ARAP2: variants seen among roughly 807,000 people sequenced by gnomAD.
ARAP2 encodes the protein arf-GAP with Rho-GAP domain, ANK repeat and PH domain-containing protein 2.
In ARAP2, 148 loss-of-function variants were observed where a neutral mutation model predicts 194.5. The ratio of observed to expected loss-of-function variants is 0.76; its 90% CI spans 0.67 to 0.87. The LOEUF is 0.87. Among genes scored for constraint, ARAP2 ranks in the 40% least tolerant of loss-of-function variants. The pLI is 0.00. For synonymous variants in ARAP2, 695 were observed against 683.5 expected (o/e 1.02, Z -0.26); for missense variants, 2,128 against 1,989.7 (o/e 1.07, Z -1.32).
intron 7 of ARAP2, among the ~76,000 whole-genome samples, chr4:36,190,553 T>C (rs1741640701): frequency 6.6e-6 from 1 of 152,236 alleles, no homozygotes; most frequent in Non-Finnish European, 1.5e-5. Context: ...ACTGAGCCTA[T>C]ACATTAGTCT....
In ARAP2 at chr4:36,039,745, C is replaced by A. The variant is rs750555526; in HGVS notation, n.607+6234G>T. ...GCTTTTCCAAATACTCTTGACTTAG[C>A]AAGTCACTGTGATAAAGGAGGATCA... On this transcript the variant is annotated intron_variant and non_coding_transcript_variant, in intron 5 of 12. Coordinates refer to the ARAP2 transcript ENST00000503225. Among the ~76,000 whole-genome samples, 42 of 152,024 alleles carry A rather than the reference C, an allele frequency of 2.8e-4. 1 individual carries two copies. The highest frequency in any genetic ancestry group is 5.3e-4 in the Non-Finnish European group (36 of 67,994).
At chr4:36,236,982 T>G (rs1282230780) in intron 1 of ARAP2, among the ~76,000 whole-genome samples, 1 of 152,206 alleles carries the variant, frequency 6.6e-6, no homozygotes, top group Non-Finnish European at 1.5e-5. Context: ...AATACACCAC[T>G]TCAGTTTGAT....
intron 19 of ARAP2, among the ~76,000 whole-genome samples, chr4:36,136,992 CAA>C (rs1726996552): frequency 1.3e-5 from 2 of 151,578 alleles, no homozygotes; most frequent in South Asian, 4.1e-4. Flanking sequence ...AATGATGTGT[CAA>C]AGGCAATTTA....
chr4:36,014,336 A>G lies in ARAP2; in HGVS notation n.1056+1050T>C, dbSNP rs376420893. Among the ~76,000 whole-genome samples the G allele has an allele frequency of 1.3e-3, 111 of 85,758 alleles. 2 individuals are homozygous for G. The highest frequency in any genetic ancestry group is 3.2e-3 in the African/African-American group (85 of 26,866). 56.3% of individuals were successfully genotyped at this position (85,758 alleles called of 152,430 possible). On this transcript the variant is annotated intron_variant and non_coding_transcript_variant, in intron 8 of 12. Coordinates refer to the ARAP2 transcript ENST00000503225. Reference sequence around the variant, plus strand: ...AAAGAAAGAAAGAGAGAAAGAAAGAAAGAAAGAAAGAAAGAAAGAAAGAAA... The same window carrying G: ...AAAGAAAGAAAGAGAGAAAGAAAGAGAGAAAGAAAGAAAGAAAGAAAGAAA...
At chr4:36,022,405 A>G (rs1436947920) in intron 5 of ARAP2, among the ~76,000 whole-genome samples, 1 of 152,204 alleles carries the variant, frequency 6.6e-6, no homozygotes, top group Non-Finnish European at 1.5e-5. Flanking sequence ...ACATAACGGC[A>G]GGACTTGGCA....
chr4:36,235,074 T>G (rs1033962466), intron 1 of ARAP2, among the ~76,000 whole-genome samples: 1 of 152,122 alleles, frequency 6.6e-6, no homozygotes, highest in Non-Finnish European at 1.5e-5. Flanking sequence ...GTGCTATACC[T>G]TTAAACTACA....
At chr4:36,158,616 C>G in intron 15 of ARAP2, 114 bp downstream of exon 15, 1 of 871,202 alleles carries the variant, frequency 1.1e-6, no homozygotes, top group Non-Finnish European at 1.7e-6. Context: ...TCAAAAATAT[C>G]TCTACTTGGA....
At chr4:36,145,853 C>T (rs574107765) in intron 19 of ARAP2, among the ~76,000 whole-genome samples, 6 of 151,968 alleles carry the variant, frequency 3.9e-5, no homozygotes, top group Admixed American at 1.3e-4. Context: ...GAGGTGAACC[C>T]GTCCAGTTCC....
downstream of ARAP2, among the ~76,000 whole-genome samples, chr4:36,064,573 G>A (rs888545894): frequency 6.6e-6 from 1 of 152,236 alleles, no homozygotes; most frequent in African/African-American, 2.4e-5. Context: ...CCCTGGTCCT[G>A]CAGCTCAGGT....
chr4:36,073,934 C>A, intron 31 of ARAP2, 111 bp from the exon 32 acceptor site: 1 of 1,320,504 alleles, frequency 7.6e-7, no homozygotes, highest in Non-Finnish European at 1.0e-6. Flanking sequence ...GATCTGATTT[C>A]CATGAGAATT....
rs1716435637 is a variant in ARAP2, at chr4:36,019,137, A to T, written n.750+7T>A. 2.0e-5 allele frequency: 3 copies of T among 149,666 alleles called. No individual in the cohort carries two copies. The South Asian group carries it at 6.2e-4, about 31-fold the overall frequency. The allele number at this position is 149,666 out of a possible 1,614,324, so 9.3% of individuals were successfully genotyped here. A position where few individuals can be genotyped will look rare whatever the true frequency, so the allele number is the denominator to read the frequency against. ...ATCTTTTAAAAATTGTCATAAAAGAAAGTTACCTTTATCATAATACTGTTC... is the reference window on the plus strand; with the variant it reads ...ATCTTTTAAAAATTGTCATAAAAGATAGTTACCTTTATCATAATACTGTTC... On this transcript the variant is annotated splice_region_variant and intron_variant and non_coding_transcript_variant, in intron 6 of 12. Coordinates refer to the ARAP2 transcript ENST00000503225.
chr4:36,087,360 T>C (rs1712159788), intron 28 of ARAP2, among the ~76,000 whole-genome samples: 1 of 152,072 alleles, frequency 6.6e-6, no homozygotes, highest in Non-Finnish European at 1.5e-5. Flanking sequence ...TTCTGACAGA[T>C]ATGCAAATTT....
chr4:36,148,920 C>T (rs919134938), intron 16 of ARAP2, among the ~76,000 whole-genome samples: 1 of 152,104 alleles, frequency 6.6e-6, no homozygotes, highest in Non-Finnish European at 1.5e-5. Flanking sequence ...AGTCACACAG[C>T]AGGTTCCCTC....
intron 27 of ARAP2, among the ~76,000 whole-genome samples, chr4:36,095,033 T>A (rs1714789461): frequency 1.3e-5 from 2 of 152,168 alleles, no homozygotes; most frequent in Non-Finnish European, 2.9e-5. Flanking sequence ...TAAAGACATG[T>A]CAGATTCATC....
chr4:36,207,081 G>C (rs758523582), intron 6 of ARAP2, among the ~76,000 whole-genome samples: 2 of 152,198 alleles, frequency 1.3e-5, no homozygotes, highest in Non-Finnish European at 2.9e-5. Context: ...TCCTCGAAGA[G>C]GCACAGCCAT....
intron 1 of ARAP2, among the ~76,000 whole-genome samples, chr4:36,058,455 T>C (rs1292709275): frequency 6.6e-6 from 1 of 152,228 alleles, no homozygotes; most frequent in Non-Finnish European, 1.5e-5. Context: ...CTTTTTGTCC[T>C]GTGTACAGAT....
intron 8 of ARAP2, among the ~76,000 whole-genome samples, chr4:36,187,188 T>C (rs113061992): frequency 2.6e-4 from 39 of 150,432 alleles, no homozygotes; most frequent in African/African-American, 9.6e-4. Context: ...TGTGTCTACT[T>C]TTTTTCACAT....
chr4:36,124,375 T>C (rs1157675858), intron 22 of ARAP2, among the ~76,000 whole-genome samples: 1 of 151,852 alleles, frequency 6.6e-6, no homozygotes, highest in Non-Finnish European at 1.5e-5. Context: ...TCAGACCTCA[T>C]TGGTAAAGTC....
intron 20 of ARAP2, among the ~76,000 whole-genome samples, chr4:36,131,203 T>C (rs555843117): frequency 3.3e-5 from 5 of 151,682 alleles, no homozygotes; most frequent in Non-Finnish European, 4.4e-5. Context: ...AGCATTGAGG[T>C]TTCCCCAACG....
Sources: gnomAD v4.1 joint callset for allele counts (sites outside exome capture counted in the v4.1 genomes callset) on GRCh38, gnomAD v4.1.1 for gene constraint, MANE v1.5 for transcripts, NCBI Gene and HGNC (gene_info 2026-07-23, HGNC 2026-07-21) for gene names.